Variants in ODAD3 observed in about 807,000 individuals in gnomAD.
The protein encoded by ODAD3 is outer dynein arm-docking complex subunit 3.
Under a neutral mutation model 70.9 loss-of-function variants are expected in ODAD3, and 57 were observed. The observed-to-expected ratio is 0.80, with a 90% CI of 0.65 to 1.00. The LOEUF is 1.00. Ranked by LOEUF, ODAD3 falls within the 50% of genes least tolerant of loss-of-function variation. The probability of loss-of-function intolerance (pLI) is 0.00; values close to 1 mark genes in which losing one functional copy is unlikely to be tolerated. For synonymous variants in ODAD3, 327 were observed against 315.9 expected (o/e 1.04, Z -0.37); for missense variants, 797 against 763.9 (o/e 1.04, Z -0.51).
At chr19:11,427,545 G>A (rs1216500500) in intron 3 of ODAD3, among the ~76,000 whole-genome samples, 1 of 146,030 alleles carries the variant, frequency 6.8e-6, no homozygotes, top group Non-Finnish European at 1.5e-5. Context: ...GTAGTGGCAC[G>A]ATCTCGGCTC....
At chr19:11,432,356 C>T (rs149420193) in intron 1 of ODAD3, among the ~76,000 whole-genome samples, 1,951 of 152,276 alleles carry the variant, frequency 0.013, 13 homozygotes, top group Non-Finnish European at 0.021. Context: ...TCAAGCAGTC[C>T]TCCTGCCTCA....
chr19:11,424,135 A>G lies in ODAD3; in HGVS notation c.964-106T>C, dbSNP rs1015248273. 1.0e-5 allele frequency: 14 copies of G among 1,381,880 alleles called. 1 individual carries two copies. The South Asian group carries it at 1.8e-4, about 18-fold the overall frequency. The allele number at this position is 1,381,880 out of a possible 1,614,324, so 85.6% of individuals were successfully genotyped here. ...GGGGCCCGCGAGGAACAGGGCTCAAACTGGAGGGAAGGGAGAGGGCAAAAG... is the reference window on the plus strand; with the variant it reads ...GGGGCCCGCGAGGAACAGGGCTCAAGCTGGAGGGAAGGGAGAGGGCAAAAG... On this transcript the variant is annotated intron_variant, in intron 7 of 12. Coordinates refer to ENST00000356392, the MANE Select transcript of ODAD3 (RefSeq NM_145045.5).
At chr19:11,427,261 A>G (rs573084972) in intron 3 of ODAD3, among the ~76,000 whole-genome samples, 1 of 151,606 alleles carries the variant, frequency 6.6e-6, no homozygotes, top group East Asian at 1.9e-4. Context: ...ACACCGGCTC[A>G]GGGTTCTAAA....
chr19:11,421,979 T>A (rs1264196340), intron 10 of ODAD3, 147 bp from the exon 11 acceptor site: 1 of 827,432 alleles, frequency 1.2e-6, no homozygotes, highest in Non-Finnish European at 1.8e-6. Context: ...GGGCGGGGAC[T>A]TAGGTCAAGG....
intron 7 of ODAD3, among the ~76,000 whole-genome samples, chr19:11,425,079 G>GTA (rs1196212784): frequency 1.5e-5 from 2 of 134,162 alleles, no homozygotes; most frequent in Non-Finnish European, 3.1e-5. Context: ...ATGTATATGT[G>GTA]TATATGTACA....
rs199709921 is a variant in ODAD3, at chr19:11,430,740, A to G, written c.403T>C (p.Trp135Arg). The G allele has an allele frequency of 1.9e-6, 3 of 1,613,968 alleles. No individual in the cohort carries two copies. The highest frequency in any genetic ancestry group is 2.5e-6 in the Non-Finnish European group (3 of 1,179,980). Residue 135 changes from tryptophan to arginine, a missense_variant, in exon 3 of 13, where the codon TGG becomes CGG. Trp to Arg is a moderately radical substitution (Grantham distance 101). Coordinates refer to ENST00000356392, the MANE Select transcript of ODAD3 (RefSeq NM_145045.5). Reference protein sequence around the residue: ...EKVVQAVIREWKWEKPYLKNR... With the variant: ...EKVVQAVIRERKWEKPYLKNR... ...TTCAGGTATGGCTTCTCCCACTTCCATTCGCGAATCACTGCCTGGACCACT... is the reference window on the plus strand; with the variant it reads ...TTCAGGTATGGCTTCTCCCACTTCCGTTCGCGAATCACTGCCTGGACCACT...
rs553424753 is a variant in ODAD3 at position 11,425,035 on chromosome 19, A to G, written c.964-1006T>C. Among the ~76,000 whole-genome samples the G allele has an allele frequency of 2.0e-3, 248 of 122,192 alleles. 18 individuals are homozygous for G. Among genetic ancestry groups the G allele is most frequent in the African/African-American group, 3.6e-3 (87 of 24,118 alleles). 80.2% of individuals were successfully genotyped at this position (122,192 alleles called of 152,430 possible). On this transcript the variant is annotated intron_variant, in intron 7 of 12. Coordinates refer to ENST00000356392, the MANE Select transcript of ODAD3 (RefSeq NM_145045.5). ...TGTGTATATATACATATGTGCATAT[A>G]TACATATGTGTATATATGTGTATAT...
In ODAD3 at chr19:11,434,851, C is replaced by T; in HGVS notation, c.166G>A (p.Gly56Arg). The change falls in exon 1 of 13, where the codon GGA becomes AGA. Residue 56 changes from glycine to arginine, a missense_variant. By Grantham distance (125) the Gly-to-Arg change is moderately radical. Coordinates refer to ENST00000356392, the MANE Select transcript of ODAD3 (RefSeq NM_145045.5). ...QAWTPGRSKG[G>R]SFHRGAGKPS... ...TTCCCTGCACCTCTGTGGAAGGATC[C>T]TCCCTTGGAACGGCCTGGGGTCCAC... 1 of 1,614,196 alleles carries T rather than the reference C, an allele frequency of 6.2e-7. No homozygotes were observed. Among genetic ancestry groups the T allele is most frequent in the South Asian group, 1.1e-5 (1 of 91,086 alleles).
Position 11,434,994 on chromosome 19 carries a change from G to A in ODAD3, c.23C>T (p.Ala8Val), listed in dbSNP as rs779474442. MTSPLCR[A>V]ASANALPPQD... ...AGGAGGCAGGGCGTTGGCGGAGGCC[G>A]CCCTGCACAGAGGAGATGTCATGAT... is the stretch of plus-strand genomic sequence containing the variant. Residue 8 changes from alanine to valine, a missense_variant, in exon 1 of 13, where the codon GCG becomes GTG. Transcript: ENST00000356392. 5.0e-6 allele frequency: 8 copies of A among 1,612,048 alleles called. No homozygotes were observed. In the Admixed American group the frequency reaches 5.0e-5, roughly 10 times the overall value.
Position 11,422,944 on chromosome 19 carries a change from C to G in ODAD3, c.1117-83G>C. 6.7e-7 allele frequency: 1 copy of G among 1,481,870 alleles called. No homozygotes were observed. Among genetic ancestry groups the G allele is most frequent in the East Asian group, 2.3e-5 (1 of 43,122 alleles). 91.8% of individuals were successfully genotyped at this position (1,481,870 alleles called of 1,614,324 possible). A position where few individuals can be genotyped will look rare whatever the true frequency, so the allele number is the denominator to read the frequency against. On this transcript the variant is annotated intron_variant, in intron 8 of 12. Coordinates refer to ENST00000356392, the MANE Select transcript of ODAD3 (RefSeq NM_145045.5). This position sits in a 1 kb window ranked among gnomAD's most constrained non-coding sequence, Gnocchi z 4.6. ...CCTCCTCTCCCCCACCCTGCGAACCCTCGCACGCAGGACAGGTGGCCTGAG... is the reference window on the plus strand; with the variant it reads ...CCTCCTCTCCCCCACCCTGCGAACCGTCGCACGCAGGACAGGTGGCCTGAG...
intron 7 of ODAD3, among the ~76,000 whole-genome samples, chr19:11,424,550 CCTATGTGTATATATG>C (rs1969222859): frequency 2.0e-4 from 24 of 122,342 alleles, no homozygotes; most frequent in Admixed American, 1.8e-3. Flanking sequence ...TGTATATATA[CCTATGTGTATATATG>C]TATATATGTG....
intron 1 of ODAD3, chr19:11,434,553 A>T: frequency 8.3e-6 from 3 of 360,200 alleles, no homozygotes; most frequent in Non-Finnish European, 1.4e-5. Flanking sequence ...AAAAAAAAAT[A>T]GAGAAAATAA....
At chr19:11,427,346 G>C (rs1005956682) in intron 3 of ODAD3, among the ~76,000 whole-genome samples, 12 of 151,042 alleles carry the variant, frequency 7.9e-5, no homozygotes, top group Non-Finnish European at 1.3e-4. Flanking sequence ...CCAGGCTGGA[G>C]TGCTGTGGTG....
chr19:11,425,353 G>GTA (rs1393073034), intron 7 of ODAD3, among the ~76,000 whole-genome samples: 6 of 113,548 alleles, frequency 5.3e-5, no homozygotes, highest in Admixed American at 3.7e-4. Context: ...GTATATATGT[G>GTA]TATATGTACA....
chr19:11,434,465 G>T, intron 1 of ODAD3: 1 of 186,932 alleles, frequency 5.3e-6, no homozygotes, highest in South Asian at 1.0e-4. Context: ...TTGAACCCGG[G>T]AGGCGGAGGT....
At chr19:11,435,597 T>C, upstream of ODAD3, 1 of 1,003,338 alleles carries the variant, frequency 1.0e-6, no homozygotes, top group Non-Finnish European at 1.4e-6. Flanking sequence ...GTGCGGAACG[T>C]ACGACCGGAA....
intron 3 of ODAD3, 144 bp downstream of exon 3, chr19:11,430,555 A>C (rs916352592): frequency 1.3e-6 from 1 of 791,290 alleles, no homozygotes; most frequent in Non-Finnish European, 2.2e-6. Context: ...AGATACAAGG[A>C]AAGTGAGTAA....
At chr19:11,424,925 A>G (rs1969243849) in intron 7 of ODAD3, among the ~76,000 whole-genome samples, 1 of 119,728 alleles carries the variant, frequency 8.4e-6, no homozygotes, top group South Asian at 2.5e-4. Flanking sequence ...ATATGTACCT[A>G]TGTGTATATA....
In ODAD3 at chr19:11,428,861, T is replaced by TTTTTTTTA. The variant is rs1555723480; in HGVS notation, c.445-1822_445-1821insTAAAAAAA. On this transcript the variant is annotated intron_variant, in intron 3 of 12. Coordinates refer to ENST00000356392, the MANE Select transcript of ODAD3 (RefSeq NM_145045.5). ...CACCATGCCTAGACTGTGTTTTATTTTTTATTTATTTATTTATTTATTTAT... is the reference window on the plus strand; with the variant it reads ...CACCATGCCTAGACTGTGTTTTATTTTTTTTTTATTTATTTATTTATTTATTTATTTAT... 9.6e-4 allele frequency among the ~76,000 whole-genome samples: 130 copies of TTTTTTTTA among 135,760 alleles called. 1 individual carries two copies. Among genetic ancestry groups the TTTTTTTTA allele is most frequent in the East Asian group, 8.2e-4 (4 of 4,892 alleles). 89.1% of individuals were successfully genotyped at this position (135,760 alleles called of 152,430 possible).
Sources: allele counts gnomAD v4.1 joint callset (sites outside exome capture counted in the v4.1 genomes callset), GRCh38; gene constraint gnomAD v4.1.1; non-coding constraint Gnocchi (gnomAD v3.1); transcripts MANE v1.5; gene names NCBI Gene and HGNC (gene_info 2026-07-23, HGNC 2026-07-21).